COL22A1: variants seen among roughly 807,000 people sequenced by gnomAD.
COL22A1 encodes the protein collagen type XXII alpha 1 chain, also known as collagen alpha-1(XXII) chain.
COL22A1 carries 221 observed loss-of-function variants against 248.9 expected under a neutral mutation model. The ratio of observed to expected loss-of-function variants is 0.89; its 90% CI spans 0.80 to 0.99. The LOEUF (loss-of-function observed/expected upper bound fraction) is 0.99, where lower values mean the gene tolerates loss of function less well. Among genes scored for constraint, COL22A1 ranks in the 50% least tolerant of loss-of-function variants. COL22A1 has a pLI of 0.00. For missense variants in COL22A1, 2,240 were observed against 2,179.0 expected (o/e 1.03, Z -0.56); for synonymous variants, 891 against 793.4 (o/e 1.12, Z -2.07).
rs759134322 is a variant in COL22A1, at chr8:138,623,766, C to G, written c.3737G>C (p.Gly1246Ala). The stretch of plus-strand genomic sequence containing the variant: ...AGGGGGACCCGGCTTTCCATCTCTG[C>G]CCTCTTTGCCTTCTTCTCCCTGCAA... ...PGIPGEEGKE[G>A]RDGKPGPPGE... Residue 1246 changes from glycine to alanine, a missense_variant, in exon 52 of 65, where the codon GGC (glycine) becomes GCC (alanine). Physicochemically the swap from Gly to Ala is moderately conservative, Grantham distance 60. Transcript: ENST00000303045. 3 of 1,612,706 alleles carry G rather than the reference C, an allele frequency of 1.9e-6. No homozygotes were observed. In the African/African-American group the frequency reaches 4.0e-5, roughly 22 times the overall value.
chr8:138,861,023 A>C (rs1822416317), intron 3 of COL22A1, among the ~76,000 whole-genome samples: 1 of 151,932 alleles, frequency 6.6e-6, no homozygotes, highest in African/African-American at 2.4e-5. Context: ...GCACCTCCCC[A>C]GATTTGCTCA....
Position 138,684,496 on chromosome 8 carries a change from A to G in COL22A1, c.2968-27T>C, listed in dbSNP as rs1488249592. The G allele has an allele frequency of 3.2e-6, 5 of 1,569,976 alleles. No individual in the cohort carries two copies. The East Asian group carries it at 6.7e-5, about 21-fold the overall frequency. On this transcript the variant is annotated intron_variant, in intron 38 of 64. Coordinates refer to ENST00000303045, the MANE Select transcript of COL22A1 (RefSeq NM_152888.3). Reference sequence around the variant, plus strand: ...TGGAGAAATAAATAATACAAGGACAATCATGGAGCTGAGAGTGAACACTGA... The same window carrying G: ...TGGAGAAATAAATAATACAAGGACAGTCATGGAGCTGAGAGTGAACACTGA...
chr8:138,755,888 C>T, intron 18 of COL22A1, 59 bp from the exon 19 acceptor site: 1 of 1,457,556 alleles, frequency 6.9e-7, no homozygotes, highest in Non-Finnish European at 9.6e-7. Flanking sequence ...TGTGGCAGTC[C>T]CATCCCTCTG....
At chr8:138,807,626 C>CTA in intron 10 of COL22A1, 142 bp downstream of exon 10, 2 of 733,562 alleles carry the variant, frequency 2.7e-6, no homozygotes, top group Non-Finnish European at 4.6e-6. Context: ...ATGACATTTG[C>CTA]TCTTATCCAT....
intron 4 of COL22A1, among the ~76,000 whole-genome samples, chr8:138,834,242 C>CG (rs934581841): frequency 6.6e-6 from 1 of 151,950 alleles, no homozygotes. Flanking sequence ...CTGTGCCCCC[C>CG]CAGGGATAAT....
intron 30 of COL22A1, among the ~76,000 whole-genome samples, chr8:138,710,911 C>G (rs1240808362): frequency 6.6e-6 from 1 of 152,108 alleles, no homozygotes; most frequent in Non-Finnish European, 1.5e-5. Flanking sequence ...TCCCAATGAT[C>G]AAAGTTAAGT....
intron 1 of COL22A1, among the ~76,000 whole-genome samples, chr8:138,899,161 T>C (rs568133105): frequency 6.6e-6 from 1 of 152,294 alleles, no homozygotes; most frequent in South Asian, 2.1e-4. Context: ...TTTCTCCTTT[T>C]TCTACCCTCC....
intron 1 of COL22A1, among the ~76,000 whole-genome samples, chr8:138,898,997 C>T (rs772415287): frequency 2.6e-5 from 4 of 152,142 alleles, no homozygotes; most frequent in South Asian, 2.1e-4. Flanking sequence ...TTTCTTCACC[C>T]GGCTCTAGGT....
chr8:138,770,604 G>A (rs990500692), intron 16 of COL22A1, among the ~76,000 whole-genome samples: 3 of 152,252 alleles, frequency 2.0e-5, no homozygotes, highest in Admixed American at 1.3e-4. Flanking sequence ...GCAGCTGGAA[G>A]GGCTTTTTCC....
intron 48 of COL22A1, 149 bp downstream of exon 48, chr8:138,636,593 A>C (rs1564126028): frequency 1.6e-6 from 1 of 608,748 alleles, no homozygotes; most frequent in Non-Finnish European, 2.9e-6. Flanking sequence ...AACCAGAGAT[A>C]CCAAGATGAA....
At chr8:138,811,622 A>G (rs907502967) in intron 9 of COL22A1, among the ~76,000 whole-genome samples, 177 bp downstream of exon 9, 7 of 152,082 alleles carry the variant, frequency 4.6e-5, no homozygotes, top group Admixed American at 4.6e-4. Flanking sequence ...GTATGCAGCA[A>G]TCCCCTTCCA....
chr8:138,658,796 A>G (rs11781324), intron 44 of COL22A1, among the ~76,000 whole-genome samples: 22,162 of 152,080 alleles, frequency 0.15, 2,723 homozygotes, highest in African/African-American at 0.33. Flanking sequence ...TAGTGAGCTC[A>G]GAGATACCTG....
chr8:138,690,648 A>T (rs1349141501), intron 36 of COL22A1, among the ~76,000 whole-genome samples, 173 bp downstream of exon 36: 1 of 152,030 alleles, frequency 6.6e-6, no homozygotes, highest in African/African-American at 2.4e-5. Flanking sequence ...CCTAGGGCTC[A>T]GGTGTGTGAA....
intron 1 of COL22A1, among the ~76,000 whole-genome samples, chr8:138,884,874 A>C (rs1364558134): frequency 6.7e-6 from 1 of 149,124 alleles, no homozygotes; most frequent in Non-Finnish European, 1.5e-5. Flanking sequence ...TAAAATGTTA[A>C]AAGGAATCAG....
Position 138,877,041 on chromosome 8 carries a change from G to A in COL22A1, c.658+709C>T, listed in dbSNP as rs151207282. 3.4e-3 allele frequency among the ~76,000 whole-genome samples: 518 copies of A among 152,304 alleles called. 10 individuals carry two copies. The highest frequency in any genetic ancestry group is 0.024 in the Admixed American group (375 of 15,308). On this transcript the variant is annotated intron_variant, in intron 3 of 64. Transcript: ENST00000303045. ...CTGGGGAGGGCGCTGTCCTCAGAAT[G>A]ACCCCCACTAAATCCTGGAGGTCAG... is the stretch of plus-strand genomic sequence containing the variant.
At chr8:138,711,335 C>T (rs1828947750) in intron 30 of COL22A1, among the ~76,000 whole-genome samples, 3 of 152,248 alleles carry the variant, frequency 2.0e-5, no homozygotes, top group African/African-American at 7.2e-5. Context: ...CAGAAGAGGG[C>T]AATGTTGCCT....
At chr8:138,729,034 G>C (rs1264197630) in intron 23 of COL22A1, among the ~76,000 whole-genome samples, 2 of 152,116 alleles carry the variant, frequency 1.3e-5, no homozygotes, top group African/African-American at 4.8e-5. Flanking sequence ...GCAGGACAAG[G>C]GGCTCGGCCA....
Position 138,786,002 on chromosome 8 carries a change from G to A in COL22A1, c.1597-5022C>T, listed in dbSNP as rs184072428. 1.0e-3 allele frequency among the ~76,000 whole-genome samples: 153 copies of A among 152,258 alleles called. 5 individuals carry two copies. Among genetic ancestry groups the A allele is most frequent in the Admixed American group, 8.9e-3 (136 of 15,298 alleles). On this transcript the variant is annotated intron_variant, in intron 12 of 64. Transcript: ENST00000303045. ...AGAGGTAATGGTCCTTAGAGCCAAC[G>A]AGCCACAGCTTCACACTGTCCACCT...
At chr8:138,814,262 C>T (rs1011235611) in intron 7 of COL22A1, among the ~76,000 whole-genome samples, 10 of 152,282 alleles carry the variant, frequency 6.6e-5, no homozygotes, top group Admixed American at 2.6e-4. Context: ...CGAGCAATCT[C>T]CCAGTCACCA....
Sources: gnomAD v4.1 joint callset for allele counts (sites outside exome capture counted in the v4.1 genomes callset) on GRCh38, gnomAD v4.1.1 for gene constraint, MANE v1.5 for transcripts, NCBI Gene and HGNC (gene_info 2026-07-23, HGNC 2026-07-21) for gene names.